The following IFT81 variants were observed in gnomAD, a reference collection of about 807,000 sequenced individuals.
IFT81 encodes intraflagellar transport 81, also known as intraflagellar transport protein 81 homolog.
A neutral mutation model predicts 102.6 loss-of-function variants in IFT81; 72 were observed. The observed-to-expected ratio is 0.70, with a 90% CI of 0.58 to 0.85. The LOEUF (loss-of-function observed/expected upper bound fraction) is 0.85, where lower values mean the gene tolerates loss of function less well. Among genes scored for constraint, IFT81 ranks in the 40% least tolerant of loss-of-function variants. IFT81 has a pLI of 0.00. For missense variants in IFT81, 723 were observed against 787.3 expected (o/e 0.92, Z 0.98); for synonymous variants, 237 against 242.7 (o/e 0.98, Z 0.22).
At chr12:110,214,945 T>A (rs1869891219) in intron 18 of IFT81, among the ~76,000 whole-genome samples, 1 of 152,164 alleles carries the variant, frequency 6.6e-6, no homozygotes, top group African/African-American at 2.4e-5. Context: ...TAAGATACAT[T>A]ATTTGTAACA....
intron 11 of IFT81, among the ~76,000 whole-genome samples, chr12:110,165,958 G>C (rs1896413645): frequency 6.6e-6 from 1 of 152,206 alleles, no homozygotes; most frequent in African/African-American, 2.4e-5. Flanking sequence ...GTGTGTCAGA[G>C]GCAGCATGGT....
At chr12:110,185,948 A>T (rs1000638039) in intron 12 of IFT81, among the ~76,000 whole-genome samples, 2 of 152,082 alleles carry the variant, frequency 1.3e-5, no homozygotes, top group Non-Finnish European at 2.9e-5. Context: ...ATTATTCTAG[A>T]TTATCTACCT....
At chr12:110,177,562 G>A (rs1030133544) in intron 11 of IFT81, among the ~76,000 whole-genome samples, 1 of 152,138 alleles carries the variant, frequency 6.6e-6, no homozygotes, top group Non-Finnish European at 1.5e-5. Flanking sequence ...AGGATTACAG[G>A]TATGAGCCAC....
Position 110,162,935 on chromosome 12 carries a change from G to T in IFT81, c.1058G>T (p.Arg353Leu). The T allele has an allele frequency of 6.2e-7, 1 of 1,612,040 alleles. No homozygotes were observed. Among genetic ancestry groups the T allele is most frequent in the Non-Finnish European group, 8.5e-7 (1 of 1,179,182 alleles). ...CTCAATCAGGCATCTATCATTTCCC[G>T]TAAAAAAGAAGCCAAAGCTGAGGAA... Reference protein sequence around the residue: ...LYRQQASIISRKKEAKAEELQ... With the variant: ...LYRQQASIISLKKEAKAEELQ... Residue 353 changes from arginine (R) to leucine (L), a missense_variant, in exon 11 of 19, where the codon CGT becomes CTT. Transcript: ENST00000242591.
intron 14 of IFT81, among the ~76,000 whole-genome samples, chr12:110,200,655 C>T (rs1898217283): frequency 6.6e-6 from 1 of 151,898 alleles, no homozygotes; most frequent in Non-Finnish European, 1.5e-5. Flanking sequence ...CCTTAGCTTA[C>T]CGTAGCTTTC....
At chr12:110,189,212 A>G (rs766228503) in intron 12 of IFT81, among the ~76,000 whole-genome samples, 3 of 151,922 alleles carry the variant, frequency 2.0e-5, no homozygotes, top group African/African-American at 7.3e-5. Context: ...TCTGCTTTCT[A>G]TCTTCACTTC....
At chr12:110,153,536 C>T (rs1467494092) in intron 10 of IFT81, among the ~76,000 whole-genome samples, 1 of 150,668 alleles carries the variant, frequency 6.6e-6, no homozygotes, top group African/African-American at 2.4e-5. Context: ...CCGCGCCCAG[C>T]CTGGTATTCG....
chr12:110,187,516 C>T (rs1294480833), intron 12 of IFT81, among the ~76,000 whole-genome samples: 2 of 152,164 alleles, frequency 1.3e-5, no homozygotes, highest in African/African-American at 4.8e-5. Context: ...CTGCCCTTCT[C>T]GGCCTCCCAA....
At position 110,143,439 on chromosome 12, in the gene IFT81, A is replaced by C; in HGVS notation, c.839A>C (p.Lys280Thr). Residue 280 changes from lysine (K) to threonine (T), a missense_variant, in exon 9 of 19, where the codon AAA (lysine) becomes ACA (threonine). Lys to Thr is a moderately conservative substitution (Grantham distance 78). Transcript: ENST00000242591. ...IKFNLYMVTE[K>T]FPKELENKKK... Reference sequence around the variant, plus strand: ...TTTAATTTATATATGGTAACTGAAAAATTTCCTAAAGAATTAGAAAATAAG... The same window carrying C: ...TTTAATTTATATATGGTAACTGAAACATTTCCTAAAGAATTAGAAAATAAG... The C allele has an allele frequency of 6.5e-7, 1 of 1,527,978 alleles. No individual in the cohort carries two copies. The highest frequency in any genetic ancestry group is 8.8e-7 in the Non-Finnish European group (1 of 1,141,448). 94.7% of individuals were successfully genotyped at this position (1,527,978 alleles called of 1,614,324 possible).
intron 12 of IFT81, among the ~76,000 whole-genome samples, chr12:110,188,693 G>T (rs1323147446): frequency 6.6e-6 from 1 of 151,660 alleles, no homozygotes; most frequent in Non-Finnish European, 1.5e-5. Flanking sequence ...GAGAAGCCAA[G>T]GTGGGTGGAT....
At chr12:110,211,053 G>A (rs1472330906) in intron 18 of IFT81, among the ~76,000 whole-genome samples, 2 of 149,354 alleles carry the variant, frequency 1.3e-5, no homozygotes, top group South Asian at 2.1e-4. Flanking sequence ...TTGTAGAGAC[G>A]GGGTTTCGCC....
chr12:110,158,057 TTTTTATTTTTATTTTTA>T (rs1168418887), intron 10 of IFT81, among the ~76,000 whole-genome samples: 7 of 151,980 alleles, frequency 4.6e-5, no homozygotes, highest in Admixed American at 1.3e-4. Flanking sequence ...TATTCTTTTG[TTTTTATTTTTATTTTTA>T]TTTTATTTTA....
rs995108952 is a variant in IFT81, at chr12:110,124,597, G to C, written c.-286G>C. ...GGGAATCGGGCCCCTTCTGGGATTC[G>C]AGCGGATCCAGGCCGCTCCCTGGAG... On this transcript the variant is annotated 5_prime_UTR_variant, in exon 1 of 19. Coordinates refer to ENST00000242591, the MANE Select transcript of IFT81 (RefSeq NM_014055.4). 5 of 152,338 alleles carry C rather than the reference G, an allele frequency of 3.3e-5. No homozygotes were observed. The highest frequency in any genetic ancestry group is 1.2e-4 in the African/African-American group (5 of 41,454). 9.4% of individuals were successfully genotyped at this position (152,338 alleles called of 1,614,324 possible).
chr12:110,209,248 T>C, intron 18 of IFT81, 32 bp downstream of exon 18: 3 of 1,141,612 alleles, frequency 2.6e-6, no homozygotes, highest in Non-Finnish European at 3.9e-6. Context: ...TTTAAATGTG[T>C]CTAACTGATT....
At chr12:110,170,735 A>G (rs1055403296) in intron 11 of IFT81, among the ~76,000 whole-genome samples, 4 of 152,190 alleles carry the variant, frequency 2.6e-5, no homozygotes, top group Non-Finnish European at 5.9e-5. Flanking sequence ...TGGGAGTATT[A>G]TAGTCCATTG....
chr12:110,156,419 AGTT>A (rs1407055868), intron 10 of IFT81, among the ~76,000 whole-genome samples: 1 of 150,568 alleles, frequency 6.6e-6, no homozygotes, highest in Non-Finnish European at 1.5e-5. Context: ...AGGCAAGTCT[AGTT>A]GTAACAAACT....
At chr12:110,127,285 G>A in intron 1 of IFT81, 75 bp from the exon 2 acceptor site, 1 of 1,277,144 alleles carries the variant, frequency 7.8e-7, no homozygotes, top group Non-Finnish European at 1.0e-6. Flanking sequence ...TACGTTGTAT[G>A]AACTTAATTC....
intron 14 of IFT81, among the ~76,000 whole-genome samples, chr12:110,196,384 G>T (rs956303826): frequency 3.3e-5 from 5 of 152,176 alleles, no homozygotes; most frequent in African/African-American, 1.2e-4. Context: ...GCCAGCTATG[G>T]TGGCACACAC....
Position 110,203,902 on chromosome 12 carries a change from T to C in IFT81, c.1596T>C (p.Tyr532=), listed in dbSNP as rs767497402. ...TQECDEKKSQ[Y]DSCAAGLESN... ...AGTGTGATGAAAAGAAATCCCAGTA[T>C]GATAGCTGTGCAGCAGGCCTCGAAA... The change falls in exon 15 of 19, where the codon TAT becomes TAC. Residue 532 remains tyrosine (Y), a synonymous_variant. Transcript: ENST00000242591. The C allele has an allele frequency of 1.9e-6, 3 of 1,613,764 alleles. No homozygotes were observed. The highest frequency in any genetic ancestry group is 2.5e-6 in the Non-Finnish European group (3 of 1,179,672).
Sources: allele counts gnomAD v4.1 joint callset (sites outside exome capture counted in the v4.1 genomes callset), GRCh38; gene constraint gnomAD v4.1.1; transcripts MANE v1.5; gene names NCBI Gene and HGNC (gene_info 2026-07-23, HGNC 2026-07-21).